Variants in JAG2 observed in about 807,000 individuals in gnomAD.
JAG2 encodes protein jagged-2.
Under a neutral mutation model 141.7 loss-of-function variants are expected in JAG2, and 46 were observed. The observed-to-expected ratio is 0.32, with a 90% CI of 0.26 to 0.42. The LOEUF (loss-of-function observed/expected upper bound fraction) is 0.42, where lower values mean the gene tolerates loss of function less well. JAG2 is among the 10% of genes least tolerant of loss of function. The pLI, the probability that JAG2 is intolerant of heterozygous loss-of-function variation, is 1.00. For missense variants in JAG2, 1,500 were observed against 1,817.5 expected (o/e 0.83, Z 3.18); for synonymous variants, 862 against 763.5 (o/e 1.13, Z -2.13).
chr14:105,145,120 C>A, intron 23 of JAG2, 59 bp from the exon 24 acceptor site: 4 of 1,598,496 alleles, frequency 2.5e-6, no homozygotes, highest in Non-Finnish European at 3.4e-6. Flanking sequence ...CACCTACATC[C>A]CTGGACTGGC....
intron 2 of JAG2, among the ~76,000 whole-genome samples, chr14:105,160,878 AAGGCC>A (rs1411232049): frequency 6.6e-6 from 1 of 151,818 alleles, no homozygotes; most frequent in Non-Finnish European, 1.5e-5. Context: ...AAAAAAAAAA[AAGGCC>A]AGGCCAGGCT....
Position 105,168,126 on chromosome 14 carries a change from G to A in JAG2, c.67-19C>T. 1 of 1,510,948 alleles carries A rather than the reference G, an allele frequency of 6.6e-7. No individual in the cohort carries two copies. Among genetic ancestry groups the A allele is most frequent in the South Asian group, 1.2e-5 (1 of 82,454 alleles). 93.6% of individuals were successfully genotyped at this position (1,510,948 alleles called of 1,614,324 possible). On this transcript the variant is annotated intron_variant, in intron 1 of 25. Coordinates refer to ENST00000331782, the MANE Select transcript of JAG2 (RefSeq NM_002226.5). ...GCGCCGCCTAAAAATAAGGCAGCGGGAGAGCGGAGGGAGGCGCGGGCCGGG... is the reference window on the plus strand; with the variant it reads ...GCGCCGCCTAAAAATAAGGCAGCGGAAGAGCGGAGGGAGGCGCGGGCCGGG...
intron 14 of JAG2, 37 bp downstream of exon 14, chr14:105,148,900 C>G (rs372133737): frequency 6.3e-7 from 1 of 1,594,554 alleles, no homozygotes; most frequent in Non-Finnish European, 8.5e-7. Context: ...CAGGCCAGCC[C>G]AGCCCCACCA....
At chr14:105,165,394 G>A (rs1350851326) in intron 2 of JAG2, among the ~76,000 whole-genome samples, 2 of 152,208 alleles carry the variant, frequency 1.3e-5, no homozygotes, top group Non-Finnish European at 2.9e-5. Flanking sequence ...CCAGCTACAA[G>A]CCAGGCACCA....
intron 12 of JAG2, 45 bp downstream of exon 12, chr14:105,150,559 G>A (rs1327895322): frequency 2.6e-6 from 4 of 1,524,358 alleles, no homozygotes; most frequent in South Asian, 1.2e-5. Flanking sequence ...CTGCCCTACA[G>A]CTCCCAGAGC....
At chr14:105,159,456 G>A (rs1474532439) in intron 2 of JAG2, among the ~76,000 whole-genome samples, 2 of 151,848 alleles carry the variant, frequency 1.3e-5, no homozygotes, top group African/African-American at 2.4e-5. Context: ...CCCAGTCCCC[G>A]CCCATCTCCA....
rs114828659 is a variant in JAG2, at chr14:105,150,661, G to A, written c.1545C>T (p.Asp515=). 2.1e-3 allele frequency: 3,257 copies of A among 1,550,170 alleles called. 65 individuals are homozygous for A. The African/African-American group carries it at 0.039, about 19-fold the overall frequency. ...AGTGGCAGTGGAAGCCGTCGGCCAG[G>A]TCCTCGCAGAGGCCGCCGCTGTGGC... The part of the protein sequence containing the change: ...SPCHSGGLCE[D]LADGFHCHCP... The change falls in exon 12 of 26, where the codon GAC becomes GAT. Residue 515 remains aspartate, a synonymous_variant. Transcript: ENST00000331782.
At chr14:105,168,168 C>A in intron 1 of JAG2, 61 bp from the exon 2 acceptor site, 1 of 1,391,920 alleles carries the variant, frequency 7.2e-7, no homozygotes, top group East Asian at 3.1e-5. Context: ...GGGCCGGGCG[C>A]CAGGGGTGGG....
chr14:105,148,785 G>A lies in JAG2; in HGVS notation c.1980C>T (p.Cys660=). 6.3e-7 allele frequency: 1 copy of A among 1,592,708 alleles called. No individual in the cohort carries two copies. The highest frequency in any genetic ancestry group is 8.5e-7 in the Non-Finnish European group (1 of 1,170,220). Residue 660 remains cysteine (C), a synonymous_variant, in exon 15 of 26, where the codon TGC becomes TGT. Transcript: ENST00000331782. The stretch of plus-strand genomic sequence containing the variant: ...CGCCCTCCCAGCCGCTGGGGCAGAA[G>A]CAGCGGAAGGCGTCCACCTCATCGA... ...TCIDEVDAFR[C]FCPSGWEGEL...
chr14:105,161,902 C>T (rs1454553297), intron 2 of JAG2, among the ~76,000 whole-genome samples: 1 of 152,276 alleles, frequency 6.6e-6, no homozygotes, highest in African/African-American at 2.4e-5. Flanking sequence ...ACCTCTCACC[C>T]CTGTCCTTCC....
Position 105,167,466 on chromosome 14 carries a change from G to T in JAG2, c.417+291C>A, listed in dbSNP as rs1163620644. 3.3e-5 allele frequency among the ~76,000 whole-genome samples: 5 copies of T among 151,308 alleles called. No individual in the cohort carries two copies. The highest frequency in any genetic ancestry group is 7.4e-5 in the Non-Finnish European group (5 of 67,772). The stretch of plus-strand genomic sequence containing the variant: ...CTCGCCTCGCCTCCCCACCCAGACA[G>T]ACACGCGCAGGGCGACGCAGGCACA... On this transcript the variant is annotated intron_variant, in intron 2 of 25. Transcript: ENST00000331782. The surrounding 1 kb of genome is among the most constrained non-coding windows in gnomAD (Gnocchi z 4.8).
chr14:105,158,611 G>A (rs970132586), intron 2 of JAG2, among the ~76,000 whole-genome samples: 15 of 152,046 alleles, frequency 9.9e-5, no homozygotes, highest in African/African-American at 3.1e-4. Flanking sequence ...TCAGACAGGT[G>A]GGACCCCCGG....
In JAG2 at chr14:105,143,054, G is replaced by A. The variant is rs778816523; in HGVS notation, c.3358C>T (p.Arg1120Trp). ...CACTGGTTGTTGGCGCTCTCCTCCC[G>A]CGGCAGCCGGCTCCTCTCCCGCTCT... The part of the protein sequence containing the change: ...RKERERSRLP[R>W]EESANNQWAP... Residue 1120 changes from arginine to tryptophan, a missense_variant, in exon 26 of 26, where the codon CGG (arginine) becomes TGG (tryptophan). Transcript: ENST00000331782. 26 of 1,602,410 alleles carry A rather than the reference G, an allele frequency of 1.6e-5. No individual in the cohort carries two copies. The highest frequency in any genetic ancestry group is 2.7e-5 in the African/African-American group (2 of 74,902).
chr14:105,162,969 T>A (rs1366102966), intron 2 of JAG2, among the ~76,000 whole-genome samples: 1 of 151,646 alleles, frequency 6.6e-6, no homozygotes, highest in East Asian at 1.9e-4. Context: ...TCTAGGGCCC[T>A]GCACGGTCAA....
chr14:105,147,072 C>T (rs928666688), intron 20 of JAG2: 25 of 605,238 alleles, frequency 4.1e-5, no homozygotes, highest in African/African-American at 2.6e-4. Context: ...TCAGGCTGCA[C>T]GCTCCAACCC....
chr14:105,168,508 C>A lies in JAG2; in HGVS notation c.-88G>T. The A allele has an allele frequency of 4.4e-6, 1 of 229,602 alleles. No individual in the cohort carries two copies. The highest frequency in any genetic ancestry group is 7.0e-6 in the Non-Finnish European group (1 of 142,246). The allele number at this position is 229,602 out of a possible 1,614,324, so 14.2% of individuals were successfully genotyped here. A position where few individuals can be genotyped will look rare whatever the true frequency, so the allele number is the denominator to read the frequency against. On this transcript the variant is annotated 5_prime_UTR_variant, in exon 1 of 26. Coordinates refer to ENST00000331782, the MANE Select transcript of JAG2 (RefSeq NM_002226.5). The stretch of plus-strand genomic sequence containing the variant: ...CGCCGGCCTCCCAGCGCCCGCCCGC[C>A]CTCCGAGCGCCCGCAGAGGCAGCGG...
chr14:105,146,279 C>G, intron 22 of JAG2, 106 bp downstream of exon 22: 12 of 1,033,954 alleles, frequency 1.2e-5, no homozygotes, highest in Non-Finnish European at 1.5e-5. Flanking sequence ...GCAGACGGCT[C>G]TCAGTCCATC....
Position 105,148,031 on chromosome 14 carries a change from A to G in JAG2, c.2248+85T>C. The G allele has an allele frequency of 3.2e-6, 4 of 1,244,782 alleles. No homozygotes were observed. The South Asian group carries it at 3.9e-5, about 12-fold the overall frequency. The allele number at this position is 1,244,782 out of a possible 1,614,324, so 77.1% of individuals were successfully genotyped here. On this transcript the variant is annotated intron_variant, in intron 17 of 25. Transcript: ENST00000331782. ...AGGTGGCAGGTGTGGCCCTCAAAAA[A>G]GACCCCTCGGCCCATCGCGCCCGAG...
chr14:105,146,768 C>A (rs1433178464), intron 20 of JAG2, 44 bp from the exon 21 acceptor site: 2 of 1,482,498 alleles, frequency 1.3e-6, no homozygotes, highest in Non-Finnish European at 1.9e-6. Flanking sequence ...AGGCCAACGC[C>A]CACCGCAGGA....
Sources: gnomAD v4.1 joint callset for allele counts (sites outside exome capture counted in the v4.1 genomes callset) on GRCh38, gnomAD v4.1.1 for gene constraint, Gnocchi (gnomAD v3.1) non-coding constraint, MANE v1.5 for transcripts, NCBI Gene and HGNC (gene_info 2026-07-23, HGNC 2026-07-21) for gene names.